CDH20: variants seen among roughly 807,000 people sequenced by gnomAD.
CDH20 encodes the protein cadherin-20.
Under a neutral mutation model 74.2 loss-of-function variants are expected in CDH20, and 29 were observed. That is an observed-to-expected ratio of 0.39 (90% confidence interval 0.29 to 0.53). CDH20 has a LOEUF of 0.53. Ranked by LOEUF, CDH20 falls within the 20% of genes least tolerant of loss-of-function variation. The pLI is 0.69. For missense variants in CDH20, 988 were observed against 1,048.3 expected (o/e 0.94, Z 0.79); for synonymous variants, 469 against 405.4 (o/e 1.16, Z -1.88).
chr18:61,536,381 C>T (rs920896408), intron 7 of CDH20, 112 bp from the exon 8 acceptor site: 3 of 818,668 alleles, frequency 3.7e-6, no homozygotes, highest in African/African-American at 3.4e-5. Flanking sequence ...GTAGCCATAA[C>T]TCAGAAGTGG....
intron 6 of CDH20, among the ~76,000 whole-genome samples, chr18:61,518,441 G>A (rs529541888): frequency 6.9e-6 from 1 of 144,098 alleles, no homozygotes; most frequent in African/African-American, 2.8e-5. Context: ...AATCTTTGCT[G>A]TTCTGCAGCC....
chr18:61,378,914 G>GA (rs1364113358), intron 1 of CDH20, among the ~76,000 whole-genome samples: 2 of 151,940 alleles, frequency 1.3e-5, no homozygotes, highest in East Asian at 1.9e-4. Context: ...GCCAGGAATA[G>GA]AATATATACT....
intron 1 of CDH20, among the ~76,000 whole-genome samples, chr18:61,364,307 T>G (rs1037431694): frequency 6.6e-6 from 1 of 151,680 alleles, no homozygotes; most frequent in Non-Finnish European, 1.5e-5. Flanking sequence ...ATGAGGTGTG[T>G]TTGTTTGTTT....
chr18:61,354,267 G>A (rs1910417084), intron 1 of CDH20, among the ~76,000 whole-genome samples: 1 of 151,944 alleles, frequency 6.6e-6, no homozygotes, highest in South Asian at 2.1e-4. Flanking sequence ...TCTTTCCTGT[G>A]GAATTATACA....
chr18:61,473,884 C>T (rs1046846243), intron 1 of CDH20, among the ~76,000 whole-genome samples: 1 of 152,200 alleles, frequency 6.6e-6, no homozygotes, highest in Non-Finnish European at 1.5e-5. Context: ...TATCTAGAAT[C>T]AAGCATCATC....
At chr18:61,395,381 G>T (rs1030323836) in intron 1 of CDH20, among the ~76,000 whole-genome samples, 4 of 152,166 alleles carry the variant, frequency 2.6e-5, no homozygotes, top group African/African-American at 7.2e-5. Context: ...ATAAATATTA[G>T]CTATTATTAT....
chr18:61,369,618 T>C (rs1309115806), intron 1 of CDH20, among the ~76,000 whole-genome samples: 2 of 152,114 alleles, frequency 1.3e-5, no homozygotes, highest in Non-Finnish European at 2.9e-5. Context: ...TGCACACGTA[T>C]GTTCATTGGA....
At chr18:61,391,623 A>T (rs1179284690) in intron 1 of CDH20, 1 of 152,332 alleles carries the variant, frequency 6.6e-6, no homozygotes. Context: ...CATATATACT[A>T]AAATTGGAAT....
chr18:61,488,081 C>CATATATAT (rs71178973), intron 1 of CDH20, among the ~76,000 whole-genome samples: 1,641 of 148,854 alleles, frequency 0.011, 23 homozygotes, highest in African/African-American at 0.038. Context: ...TACGTACATA[C>CATATATAT]ATATATATAT....
intron 4 of CDH20, among the ~76,000 whole-genome samples, chr18:61,501,948 T>C (rs1267648423): frequency 6.6e-6 from 1 of 152,082 alleles, no homozygotes; most frequent in Non-Finnish European, 1.5e-5. Flanking sequence ...GCTGTGCCCA[T>C]GGGGGGCCTT....
intron 1 of CDH20, among the ~76,000 whole-genome samples, chr18:61,341,423 C>A (rs1599024663): frequency 7.0e-5 from 1 of 14,374 alleles, no homozygotes; most frequent in African/African-American, 1.8e-4. Flanking sequence ...CTGCCTTGAG[C>A]CCCCCCCCCG....
At chr18:61,540,025 G>A (rs1912969204) in intron 9 of CDH20, among the ~76,000 whole-genome samples, 3 of 152,130 alleles carry the variant, frequency 2.0e-5, no homozygotes, top group Admixed American at 2.0e-4. Context: ...AGAAACATCT[G>A]GAACTCCATT....
At chr18:61,482,988 C>T (rs1048412533) in intron 1 of CDH20, among the ~76,000 whole-genome samples, 27 of 152,182 alleles carry the variant, frequency 1.8e-4, no homozygotes, top group Admixed American at 1.3e-4. Context: ...TATTAATCTC[C>T]CAGACAGGCC....
At chr18:61,456,381 T>G (rs2144348945) in intron 1 of CDH20, among the ~76,000 whole-genome samples, 1 of 152,320 alleles carries the variant, frequency 6.6e-6, no homozygotes, top group East Asian at 1.9e-4. Flanking sequence ...TGTTCCTGGG[T>G]AAGACCACAA....
At chr18:61,387,732 T>C (rs1392961719) in intron 1 of CDH20, among the ~76,000 whole-genome samples, 1 of 152,056 alleles carries the variant, frequency 6.6e-6, no homozygotes, top group African/African-American at 2.4e-5. Context: ...ACATCAAGAG[T>C]TATACAGAGA....
intron 1 of CDH20, among the ~76,000 whole-genome samples, chr18:61,362,615 A>G (rs980643139): frequency 6.6e-6 from 1 of 152,178 alleles, no homozygotes; most frequent in Non-Finnish European, 1.5e-5. Flanking sequence ...TATGAGGAAG[A>G]GGAGCATGAG....
intron 1 of CDH20, among the ~76,000 whole-genome samples, chr18:61,437,268 A>C (rs182444413): frequency 1.8e-3 from 268 of 152,298 alleles, no homozygotes; most frequent in African/African-American, 5.2e-3. Context: ...GGGGCCTGTC[A>C]GACAAGAAGG....
chr18:61,544,125 G>A (rs866190977), intron 9 of CDH20, among the ~76,000 whole-genome samples: 51 of 152,234 alleles, frequency 3.4e-4, no homozygotes, highest in South Asian at 1.0e-3. Context: ...CATGGAGACT[G>A]TGCAGGGAAG....
intron 11 of CDH20, among the ~76,000 whole-genome samples, chr18:61,552,505 T>G (rs933514742): frequency 3.3e-5 from 5 of 152,146 alleles, no homozygotes; most frequent in Admixed American, 6.6e-5. Context: ...CAGCAAGGTA[T>G]TCAAAAGACT....
Sources: gnomAD v4.1 joint callset for allele counts (sites outside exome capture counted in the v4.1 genomes callset) on GRCh38, gnomAD v4.1.1 for gene constraint, MANE v1.5 for transcripts, NCBI Gene and HGNC (gene_info 2026-07-23, HGNC 2026-07-21) for gene names.